The following DCUN1D4 variants were observed in gnomAD, a reference collection of about 807,000 sequenced individuals.
The protein encoded by DCUN1D4 is DCN1-like protein 4.
DCUN1D4 carries 22 observed loss-of-function variants against 47.9 expected under a neutral mutation model. That is an observed-to-expected ratio of 0.46 (90% CI 0.33 to 0.66). The LOEUF is 0.66. Among genes scored for constraint, DCUN1D4 ranks in the 30% least tolerant of loss-of-function variants. DCUN1D4 has a pLI of 0.02. For synonymous variants in DCUN1D4, 121 were observed against 112.2 expected (o/e 1.08, Z -0.50); for missense variants, 301 against 340.8 (o/e 0.88, Z 0.92).
intron 1 of DCUN1D4, among the ~76,000 whole-genome samples, chr4:51,858,305 G>T (rs981572116): frequency 6.6e-6 from 1 of 152,110 alleles, no homozygotes. Flanking sequence ...GGGGAAGAGC[G>T]CTCAAGGTAA....
chr4:51,883,960 A>T (rs1391598613), intron 5 of DCUN1D4, among the ~76,000 whole-genome samples: 1 of 149,686 alleles, frequency 6.7e-6, no homozygotes, highest in Non-Finnish European at 1.5e-5. Flanking sequence ...GATAATCAAG[A>T]TAAGAAAACT....
At chr4:51,891,694 C>G in intron 6 of DCUN1D4, 66 bp from the exon 7 acceptor site, 1 of 1,259,794 alleles carries the variant, frequency 7.9e-7, no homozygotes, top group Non-Finnish European at 1.1e-6. Flanking sequence ...AATGACAGAT[C>G]TATTTGTTTT....
intron 8 of DCUN1D4, among the ~76,000 whole-genome samples, chr4:51,904,118 C>T (rs921399327): frequency 6.6e-6 from 1 of 151,718 alleles, no homozygotes; most frequent in African/African-American, 2.4e-5. Flanking sequence ...CTTTAGATAG[C>T]GTTGAGTTTG....
intron 7 of DCUN1D4, among the ~76,000 whole-genome samples, chr4:51,895,581 A>T (rs1191484336): frequency 1.5e-4 from 20 of 132,842 alleles, no homozygotes; most frequent in African/African-American, 5.5e-4. Flanking sequence ...AAAAAAAAAA[A>T]AAAAAAACAG....
intron 1 of DCUN1D4, chr4:51,843,573 G>A (rs2109770164): frequency 3.1e-6 from 4 of 1,273,814 alleles, no homozygotes; most frequent in East Asian, 6.3e-5. Flanking sequence ...CGAGATCGGA[G>A]TGTCCGGGGT....
chr4:51,897,528 C>A (rs973296121), intron 7 of DCUN1D4, among the ~76,000 whole-genome samples: 1 of 152,108 alleles, frequency 6.6e-6, no homozygotes, highest in Non-Finnish European at 1.5e-5. Flanking sequence ...AATGGTGACT[C>A]TTGATTCTCA....
intron 1 of DCUN1D4, among the ~76,000 whole-genome samples, chr4:51,849,134 C>G (rs905660525): frequency 1.1e-4 from 17 of 152,202 alleles, no homozygotes; most frequent in African/African-American, 4.1e-4. Flanking sequence ...AGTCCATTGA[C>G]TCTTGGTCTG....
intron 5 of DCUN1D4, among the ~76,000 whole-genome samples, chr4:51,883,786 G>GT (rs1245986343): frequency 3.3e-5 from 5 of 152,108 alleles, no homozygotes; most frequent in Admixed American, 3.3e-4. Flanking sequence ...TTTGAGAAGT[G>GT]TTGTTAAAGA....
chr4:51,910,127 T>G (rs1012535623), intron 8 of DCUN1D4, among the ~76,000 whole-genome samples: 5 of 152,184 alleles, frequency 3.3e-5, no homozygotes, highest in Non-Finnish European at 2.9e-5. Context: ...AAAAAACTAC[T>G]TTTACAAATT....
the DCUN1D4 span, among the ~76,000 whole-genome samples, chr4:51,834,235 G>C: frequency 6.0e-5 from 9 of 148,936 alleles, no homozygotes; most frequent in East Asian, 1.8e-3. Context: ...ATGAGACGTT[G>C]GAAAAGCAAG....
intron 7 of DCUN1D4, among the ~76,000 whole-genome samples, chr4:51,895,442 T>C (rs1341248787): frequency 1.3e-5 from 2 of 151,666 alleles, no homozygotes; most frequent in South Asian, 2.1e-4. Flanking sequence ...AGTTTGGACT[T>C]AGGCCGGCAG....
chr4:51,904,721 G>T (rs1732614472), intron 8 of DCUN1D4, among the ~76,000 whole-genome samples: 1 of 151,908 alleles, frequency 6.6e-6, no homozygotes, highest in Non-Finnish European at 1.5e-5. Flanking sequence ...CCAATTTCCT[G>T]GTTGTTTTTA....
intron 3 of DCUN1D4, chr4:51,865,272 C>T: frequency 4.3e-6 from 1 of 233,834 alleles, no homozygotes; most frequent in South Asian, 6.4e-5. Flanking sequence ...AAGTGTTTTG[C>T]AGCCAAGCCA....
At chr4:51,868,251 G>A (rs1032258974) in intron 3 of DCUN1D4, among the ~76,000 whole-genome samples, 1 of 152,188 alleles carries the variant, frequency 6.6e-6, no homozygotes, top group Non-Finnish European at 1.5e-5. Flanking sequence ...GTTCCTGGAA[G>A]GGCGAGACTC....
intron 3 of DCUN1D4, among the ~76,000 whole-genome samples, chr4:51,866,198 CAATT>C (rs1369935408): frequency 3.3e-5 from 5 of 152,114 alleles, no homozygotes; most frequent in African/African-American, 1.2e-4. Context: ...CAGTCAAAAA[CAATT>C]TATTTAATAA....
upstream of DCUN1D4, among the ~76,000 whole-genome samples, chr4:51,839,801 A>C (rs1475062196): frequency 6.6e-6 from 1 of 152,170 alleles, no homozygotes; most frequent in Non-Finnish European, 1.5e-5. Flanking sequence ...GAACTATGCT[A>C]TTCTTCCTCC....
intron 1 of DCUN1D4, among the ~76,000 whole-genome samples, chr4:51,859,308 G>A (rs1724642320): frequency 6.6e-6 from 1 of 151,950 alleles, no homozygotes; most frequent in African/African-American, 2.4e-5. Flanking sequence ...ATGTATTGTT[G>A]CTTTTTGTTG....
intron 1 of DCUN1D4, among the ~76,000 whole-genome samples, chr4:51,848,670 G>A (rs1722918401): frequency 1.3e-5 from 2 of 152,154 alleles, no homozygotes; most frequent in Non-Finnish European, 2.9e-5. Flanking sequence ...ATTTTAAAAT[G>A]TGTTTTAAGA....
chr4:51,886,881 A>T, intron 6 of DCUN1D4: 1 of 475,478 alleles, frequency 2.1e-6, no homozygotes, highest in South Asian at 2.1e-5. Context: ...AGGTACAGTA[A>T]GCCAGATGCT....
Sources: allele counts gnomAD v4.1 joint callset (sites outside exome capture counted in the v4.1 genomes callset), GRCh38; gene constraint gnomAD v4.1.1; transcripts MANE v1.5; gene names NCBI Gene and HGNC (gene_info 2026-07-23, HGNC 2026-07-21).